RASA3: variants seen among roughly 807,000 people sequenced by gnomAD.
The protein encoded by RASA3 is RAS p21 protein activator 3.
A neutral mutation model predicts 110.0 loss-of-function variants in RASA3; 73 were observed. That is an observed-to-expected ratio of 0.66 (90% CI 0.55 to 0.81). The LOEUF (loss-of-function observed/expected upper bound fraction) is 0.81, where lower values mean the gene tolerates loss of function less well. Ranked by LOEUF, RASA3 falls within the 30% of genes least tolerant of loss-of-function variation. The pLI is 0.00. For missense variants in RASA3, 976 were observed against 1,113.2 expected (o/e 0.88, Z 1.75); for synonymous variants, 500 against 451.4 (o/e 1.11, Z -1.37).
chr13:114,047,762 G>C (rs765002852), intron 3 of RASA3, among the ~76,000 whole-genome samples: 35 of 152,244 alleles, frequency 2.3e-4, no homozygotes, highest in Non-Finnish European at 4.1e-4. Flanking sequence ...CAGTGGCAGA[G>C]GGCACGGCCC....
chr13:114,026,577 G>T (rs1355342360), intron 7 of RASA3, among the ~76,000 whole-genome samples: 1 of 152,178 alleles, frequency 6.6e-6, no homozygotes, highest in African/African-American at 2.4e-5. Context: ...CCCACTGACC[G>T]GTAGGTCCAC....
chr13:114,009,239 G>A (rs914350432), intron 17 of RASA3, 148 bp downstream of exon 17: 2 of 662,872 alleles, frequency 3.0e-6, no homozygotes, highest in Admixed American at 5.1e-5. Context: ...AGGCTGTCTG[G>A]ACAGCGCTGT....
At chr13:114,100,089 G>T (rs1210440716) in intron 1 of RASA3, among the ~76,000 whole-genome samples, 2 of 150,404 alleles carry the variant, frequency 1.3e-5, no homozygotes, top group Admixed American at 6.6e-5. Context: ...GCAGGCCAGG[G>T]TGGAGAGACC....
chr13:114,129,605 C>A (rs1036518180), intron 1 of RASA3, among the ~76,000 whole-genome samples: 22 of 152,294 alleles, frequency 1.4e-4, no homozygotes, highest in Admixed American at 1.1e-3. Flanking sequence ...AATGTGCTGG[C>A]TTTTTTTCTT....
intron 17 of RASA3, 79 bp from the exon 18 acceptor site, chr13:114,007,685 G>A (rs1325165541): frequency 3.4e-5 from 40 of 1,191,760 alleles, no homozygotes; most frequent in African/African-American, 7.5e-5. Context: ...CAACAGCGTC[G>A]GCGGCTACTG....
chr13:114,104,016 GC>G (rs1387875896), intron 1 of RASA3, among the ~76,000 whole-genome samples: 76 of 38,264 alleles, frequency 2.0e-3, no homozygotes, highest in African/African-American at 2.4e-3. Flanking sequence ...CGTTCACACT[GC>G]CCCCGGCCAC....
intron 14 of RASA3, among the ~76,000 whole-genome samples, chr13:114,013,685 C>T (rs2053703286): frequency 5.6e-5 from 5 of 88,904 alleles, no homozygotes; most frequent in Admixed American, 2.3e-4. Flanking sequence ...TGTCTCTCTC[C>T]CTATCTCTGT....
chr13:114,056,432 A>G lies in RASA3; in HGVS notation c.174-4277T>C, dbSNP rs2139586772. On this transcript the variant is annotated intron_variant, in intron 2 of 23. Transcript: ENST00000334062. The surrounding 1 kb of genome is among the most constrained non-coding windows in gnomAD (Gnocchi z 5.7). The stretch of plus-strand genomic sequence containing the variant: ...ACAGGGTGGGAAACCGAGGCACTCC[A>G]ACATCTGATGAAACGAAACTAACCC... The G allele has an allele frequency of 2.0e-6, 2 of 984,994 alleles. No individual in the cohort carries two copies. The highest frequency in any genetic ancestry group is 2.4e-6 in the Non-Finnish European group (2 of 829,522). 61.0% of individuals were successfully genotyped at this position (984,994 alleles called of 1,614,324 possible). A position where few individuals can be genotyped will look rare whatever the true frequency, so the allele number is the denominator to read the frequency against.
chr13:114,001,670 G>A lies in RASA3; in HGVS notation c.1743-738C>T, dbSNP rs1181892893. On this transcript the variant is annotated intron_variant, in intron 18 of 23. Transcript: ENST00000334062. Reference sequence around the variant, plus strand: ...ACGGAGGACCTGCGGCCGTGGGCTCGGGGTCAGGGCAGGCAGCGGACGCTC... The same window carrying A: ...ACGGAGGACCTGCGGCCGTGGGCTCAGGGTCAGGGCAGGCAGCGGACGCTC... Among the ~76,000 whole-genome samples the A allele has an allele frequency of 4.0e-5, 6 of 150,366 alleles. No individual in the cohort carries two copies. In the South Asian group the frequency reaches 6.4e-4, roughly 16 times the overall value.
At position 114,091,992 on chromosome 13, in the gene RASA3, CT is replaced by C. The variant is rs548601136; in HGVS notation, c.56-18156del. On this transcript the variant is annotated intron_variant, in intron 1 of 23. Coordinates refer to ENST00000334062, the MANE Select transcript of RASA3 (RefSeq NM_007368.4). The stretch of plus-strand genomic sequence containing the variant: ...CTGTTCATAATAGTCTCTAGTGAGC[CT>C]TTGTATTTCTGTGCTATCAGTTATA... Among the ~76,000 whole-genome samples, 16 of 151,706 alleles carry C rather than the reference CT, an allele frequency of 1.1e-4. No homozygotes were observed. In the South Asian group the frequency reaches 1.2e-3, roughly 12 times the overall value.
Position 114,011,300 on chromosome 13 carries a change from G to C in RASA3, c.1513-52C>G. ...TATGTCAGCATCACAGAAATGCTGT[G>C]ACTGTCCCAGATCGAGGGGACGAAA... On this transcript the variant is annotated intron_variant, in intron 15 of 23. Transcript: ENST00000334062. This position sits in a 1 kb window ranked among gnomAD's most constrained non-coding sequence, Gnocchi z 4.8. The C allele has an allele frequency of 1.4e-6, 2 of 1,465,436 alleles. No homozygotes were observed. Among genetic ancestry groups the C allele is most frequent in the Non-Finnish European group, 1.9e-6 (2 of 1,052,196 alleles). The allele number at this position is 1,465,436 out of a possible 1,614,324, so 90.8% of individuals were successfully genotyped here.
At chr13:114,037,827 C>T (rs1279437738) in intron 4 of RASA3, among the ~76,000 whole-genome samples, 2 of 152,172 alleles carry the variant, frequency 1.3e-5, no homozygotes, top group African/African-American at 4.8e-5. Flanking sequence ...GCACCAGCTG[C>T]GCATGGCAGT....
chr13:114,040,103 T>C (rs2054366426), intron 4 of RASA3, among the ~76,000 whole-genome samples: 1 of 152,262 alleles, frequency 6.6e-6, no homozygotes, highest in African/African-American at 2.4e-5. Context: ...CCACCGTGTT[T>C]GTTTTCACAG....
chr13:114,078,046 C>T (rs2079722558), intron 1 of RASA3: 1 of 961,994 alleles, frequency 1.0e-6, no homozygotes, highest in East Asian at 1.2e-4. Flanking sequence ...ACGACAGCAA[C>T]ACCAGGGAGC....
chr13:114,095,646 G>T (rs2079932881), intron 1 of RASA3, among the ~76,000 whole-genome samples: 1 of 152,002 alleles, frequency 6.6e-6, no homozygotes, highest in Admixed American at 6.6e-5. Flanking sequence ...ACACTCACAA[G>T]TCATCAAAGA....
Position 114,018,236 on chromosome 13 carries a change from G to T in RASA3, c.959C>A (p.Ala320Glu). ...GCAAACCTCGCCCAGGATGTGGGCCGCAGACGCTGACACGGGCTGCGGGGA... is the reference window on the plus strand; with the variant it reads ...GCAAACCTCGCCCAGGATGTGGGCCTCAGACGCTGACACGGGCTGCGGGGA... ...SADVEPVSAS[A>E]AHILGEVCRE... The change falls in exon 11 of 24, where the codon GCG (alanine) becomes GAG (glutamate). Residue 320 changes from alanine to glutamate, a missense_variant. Transcript: ENST00000334062. The T allele has an allele frequency of 6.4e-7, 1 of 1,553,126 alleles. No individual in the cohort carries two copies. Among genetic ancestry groups the T allele is most frequent in the East Asian group, 2.4e-5 (1 of 41,062 alleles).
chr13:114,083,031 C>T (rs2079807515), intron 1 of RASA3, among the ~76,000 whole-genome samples: 1 of 152,182 alleles, frequency 6.6e-6, no homozygotes, highest in Non-Finnish European at 1.5e-5. Flanking sequence ...TCAAAAAGTG[C>T]GTCATCACTG....
intron 12 of RASA3, among the ~76,000 whole-genome samples, chr13:114,017,009 T>C (rs2053808330): frequency 6.6e-6 from 1 of 152,128 alleles, no homozygotes; most frequent in Admixed American, 6.5e-5. Flanking sequence ...TGTGGAGTGG[T>C]GGATTTTCTT....
intron 4 of RASA3, 91 bp downstream of exon 4, chr13:114,040,909 T>A: frequency 8.1e-7 from 1 of 1,229,286 alleles, no homozygotes; most frequent in Non-Finnish European, 1.2e-6. Flanking sequence ...AAGCCCGATC[T>A]ACGTCTTTAG....
Sources: gnomAD v4.1 joint callset for allele counts (sites outside exome capture counted in the v4.1 genomes callset) on GRCh38, gnomAD v4.1.1 for gene constraint, Gnocchi (gnomAD v3.1) non-coding constraint, MANE v1.5 for transcripts, NCBI Gene and HGNC (gene_info 2026-07-23, HGNC 2026-07-21) for gene names.